The following CDK6 variants were observed in gnomAD, a reference collection of about 807,000 sequenced individuals.
CDK6 encodes the protein cyclin dependent kinase 6.
A neutral mutation model predicts 37.1 loss-of-function variants in CDK6; 6 were observed. The ratio of observed to expected loss-of-function variants is 0.16; its 90% confidence interval spans 0.09 to 0.32. The LOEUF (loss-of-function observed/expected upper bound fraction) is 0.32, where lower values mean the gene tolerates loss of function less well. CDK6 is among the 10% of genes least tolerant of loss of function. The pLI is 1.00. For synonymous variants in CDK6, 160 were observed against 161.3 expected (o/e 0.99, Z 0.06); for missense variants, 224 against 418.9 (o/e 0.53, Z 4.06).
intron 2 of CDK6, among the ~76,000 whole-genome samples, chr7:92,780,414 C>G (rs1308994443): frequency 1.1e-4 from 17 of 152,190 alleles, no homozygotes; most frequent in East Asian, 1.9e-4. Flanking sequence ...TACCTAGAAC[C>G]CTTACACTTG....
chr7:92,622,399 T>TA (rs1201349091), intron 6 of CDK6, among the ~76,000 whole-genome samples: 1 of 152,184 alleles, frequency 6.6e-6, no homozygotes, highest in African/African-American at 2.4e-5. Flanking sequence ...GTTAAATAAT[T>TA]AATGATGAAC....
chr7:92,778,091 G>GAAA, intron 2 of CDK6, among the ~76,000 whole-genome samples: 1 of 142,186 alleles, frequency 7.0e-6, no homozygotes, highest in Admixed American at 7.1e-5. Flanking sequence ...TAAAGGAAAC[G>GAAA]AAAAAAAAAA....
At chr7:92,808,116 C>A (rs1375257798) in intron 2 of CDK6, among the ~76,000 whole-genome samples, 1 of 152,108 alleles carries the variant, frequency 6.6e-6, no homozygotes, top group East Asian at 1.9e-4. Context: ...AACTAGACAC[C>A]TCATATGGTA....
intron 4 of CDK6, among the ~76,000 whole-genome samples, chr7:92,676,282 T>C (rs1797201024): frequency 6.6e-6 from 1 of 152,128 alleles, no homozygotes; most frequent in Non-Finnish European, 1.5e-5. Flanking sequence ...AAGATGTCCA[T>C]ATGGTCAGGT....
intron 5 of CDK6, among the ~76,000 whole-genome samples, chr7:92,660,448 T>C (rs1442075895): frequency 6.6e-6 from 1 of 152,170 alleles, no homozygotes; most frequent in Non-Finnish European, 1.5e-5. Context: ...CTTTCACTAA[T>C]AGTGACATCT....
chr7:92,677,014 T>C (rs1030195314), intron 4 of CDK6, among the ~76,000 whole-genome samples: 4 of 151,968 alleles, frequency 2.6e-5, no homozygotes, highest in African/African-American at 4.8e-5. Context: ...CTCTATATGA[T>C]ATGACATCTA....
chr7:92,704,161 C>T (rs1797916675), intron 4 of CDK6, among the ~76,000 whole-genome samples: 2 of 152,190 alleles, frequency 1.3e-5, no homozygotes, highest in Non-Finnish European at 2.9e-5. Flanking sequence ...CACTCTATTG[C>T]ACTGCTGGGC....
At chr7:92,622,007 G>GT (rs34468342) in intron 6 of CDK6, among the ~76,000 whole-genome samples, 9,501 of 139,058 alleles carry the variant, frequency 0.068, 1,025 homozygotes, top group African/African-American at 0.23. Flanking sequence ...TTTAGGGGTG[G>GT]TTTTTTTTTT....
chr7:92,612,472 C>G lies in CDK6; in HGVS notation c.*2668G>C, dbSNP rs1468157914. Reference sequence around the variant, plus strand: ...GATCTGGATTTCAGAAATGGCGAATCTGGACATAAAATACATAAATCAAGA... The same window carrying G: ...GATCTGGATTTCAGAAATGGCGAATGTGGACATAAAATACATAAATCAAGA... On this transcript the variant is annotated 3_prime_UTR_variant, in exon 8 of 8. Coordinates refer to ENST00000424848, the MANE Select transcript of CDK6 (RefSeq NM_001145306.2). 1 of 233,028 alleles carries G rather than the reference C, an allele frequency of 4.3e-6. No individual in the cohort carries two copies. The highest frequency in any genetic ancestry group is 8.5e-6 in the Non-Finnish European group (1 of 117,992). 14.4% of individuals were successfully genotyped at this position (233,028 alleles called of 1,614,324 possible). A position where few individuals can be genotyped will look rare whatever the true frequency, so the allele number is the denominator to read the frequency against.
intron 2 of CDK6, among the ~76,000 whole-genome samples, chr7:92,793,962 T>C (rs1800343031): frequency 6.6e-6 from 1 of 152,090 alleles, no homozygotes; most frequent in Admixed American, 6.6e-5. Context: ...TGCACAACCC[T>C]GTAAATATAG....
chr7:92,794,050 A>C (rs1465852164), intron 2 of CDK6, among the ~76,000 whole-genome samples: 1 of 152,168 alleles, frequency 6.6e-6, no homozygotes, highest in Non-Finnish European at 1.5e-5. Flanking sequence ...CTGTTTAAAA[A>C]AATCAAGGCA....
chr7:92,769,961 C>T (rs1799670483), intron 3 of CDK6, among the ~76,000 whole-genome samples: 1 of 151,916 alleles, frequency 6.6e-6, no homozygotes, highest in African/African-American at 2.4e-5. Context: ...AAAAATAACA[C>T]AATCATTAAG....
intron 5 of CDK6, among the ~76,000 whole-genome samples, chr7:92,649,149 C>G (rs1163381594): frequency 2.0e-5 from 3 of 152,036 alleles, no homozygotes; most frequent in Non-Finnish European, 4.4e-5. Context: ...GTGATAAGCC[C>G]TGAGTCACAG....
At chr7:92,733,280 T>G (rs972128023) in intron 3 of CDK6, among the ~76,000 whole-genome samples, 6 of 152,234 alleles carry the variant, frequency 3.9e-5, no homozygotes, top group African/African-American at 4.8e-5. Context: ...TTGCCATCAC[T>G]ATCATTTACT....
intron 6 of CDK6, among the ~76,000 whole-genome samples, chr7:92,621,048 C>T (rs992902151): frequency 6.6e-6 from 1 of 152,244 alleles, no homozygotes; most frequent in East Asian, 1.9e-4. Context: ...CACTTAATTC[C>T]ACTATTTGGA....
chr7:92,643,456 C>T (rs369086695), intron 5 of CDK6, among the ~76,000 whole-genome samples: 103 of 152,072 alleles, frequency 6.8e-4, no homozygotes, highest in African/African-American at 2.4e-3. Flanking sequence ...GTGGTCCCTG[C>T]CCTTGTGAGG....
At chr7:92,671,308 T>G (rs1585385949) in intron 5 of CDK6, 118 bp downstream of exon 5, 2 of 557,480 alleles carry the variant, frequency 3.6e-6, no homozygotes. Flanking sequence ...TAGCCTGGGG[T>G]AGATGGATCT....
intron 2 of CDK6, among the ~76,000 whole-genome samples, chr7:92,811,606 C>T (rs1052363580): frequency 1.3e-5 from 2 of 151,678 alleles, no homozygotes; most frequent in African/African-American, 2.4e-5. Context: ...CTCCTATGTC[C>T]GTAGTACCTA....
chr7:92,749,840 G>A (rs1478403738), intron 3 of CDK6, among the ~76,000 whole-genome samples: 1 of 152,170 alleles, frequency 6.6e-6, no homozygotes, highest in African/African-American at 2.4e-5. Context: ...CAGGGAAATA[G>A]GATAATAACT....
Sources: gnomAD v4.1 joint callset for allele counts (sites outside exome capture counted in the v4.1 genomes callset) on GRCh38, gnomAD v4.1.1 for gene constraint, MANE v1.5 for transcripts, NCBI Gene and HGNC (gene_info 2026-07-23, HGNC 2026-07-21) for gene names.